Variants in LUC7L observed in about 807,000 individuals in gnomAD.
LUC7L encodes putative RNA-binding protein Luc7-like 1.
In LUC7L, 29 loss-of-function variants were observed where a neutral mutation model predicts 51.1. The ratio of observed to expected loss-of-function variants is 0.57; its 90% CI spans 0.42 to 0.77. The LOEUF (loss-of-function observed/expected upper bound fraction) is 0.77, where lower values mean the gene tolerates loss of function less well. LUC7L is among the 30% of genes least tolerant of loss of function. The probability of loss-of-function intolerance (pLI) is 0.00; values close to 1 mark genes in which losing one functional copy is unlikely to be tolerated. For missense variants in LUC7L, 403 were observed against 511.9 expected, an observed-to-expected ratio of 0.79 and a Z score of 2.05; for synonymous variants, 181 against 180.7, an observed-to-expected ratio of 1.00 and a Z score of -0.01.
chr16:212,642 G>A (rs890138532), intron 3 of LUC7L, among the ~76,000 whole-genome samples: 7 of 152,122 alleles, frequency 4.6e-5, no homozygotes, highest in Admixed American at 4.6e-4. Flanking sequence ...GCTTTGAAAT[G>A]AGCCCATATA....
At chr16:202,589 A>G (rs1163603433) in intron 5 of LUC7L, among the ~76,000 whole-genome samples, 1 of 152,184 alleles carries the variant, frequency 6.6e-6, no homozygotes, top group Non-Finnish European at 1.5e-5. Flanking sequence ...CCTAGGAGCA[A>G]TGGGCTCTAC....
At chr16:228,515 C>T (rs2050182929) in intron 1 of LUC7L, 1 of 1,220,716 alleles carries the variant, frequency 8.2e-7, no homozygotes, top group African/African-American at 1.6e-5. Flanking sequence ...CACTTATTCA[C>T]CTATGAAATA....
intron 6 of LUC7L, among the ~76,000 whole-genome samples, chr16:197,946 C>A (rs1422106156): frequency 6.6e-6 from 1 of 152,120 alleles, no homozygotes; most frequent in South Asian, 2.1e-4. Context: ...ATACGTCCAA[C>A]CTTCCTTCTT....
intron 3 of LUC7L, among the ~76,000 whole-genome samples, chr16:211,261 T>C (rs1055146239): frequency 6.6e-5 from 10 of 152,264 alleles, no homozygotes; most frequent in African/African-American, 2.4e-4. Flanking sequence ...AGACGTCTAA[T>C]TGCTTACTCT....
intron 5 of LUC7L, among the ~76,000 whole-genome samples, chr16:199,784 G>T (rs1329556267): frequency 7.4e-6 from 1 of 135,028 alleles, no homozygotes; most frequent in Non-Finnish European, 1.5e-5. Flanking sequence ...AAAAAAGAGA[G>T]ATCGAGACCA....
rs547084800 is a variant in LUC7L at position 220,754 on chromosome 16, G to T, written c.157-7C>A. 1 of 1,604,082 alleles carries T rather than the reference G, an allele frequency of 6.2e-7. No individual in the cohort carries two copies. On this transcript the variant is annotated splice_polypyrimidine_tract_variant and splice_region_variant and intron_variant, in intron 2 of 9. Coordinates refer to ENST00000293872, the MANE Select transcript of LUC7L (RefSeq NM_201412.3). The stretch of plus-strand genomic sequence containing the variant: ...ATTCTCCTAAATCCATGCGCTGTGG[G>T]AAAGAAACAGAAAATGCAGACCTCA...
At chr16:228,921 C>G (rs1289375748) in intron 1 of LUC7L, 1 of 1,368,074 alleles carries the variant, frequency 7.3e-7, no homozygotes, top group Non-Finnish European at 9.6e-7. Flanking sequence ...TGCCACCCGG[C>G]TGCCAGCGAC....
chr16:228,863 C>G, intron 1 of LUC7L: 3 of 1,303,492 alleles, frequency 2.3e-6, no homozygotes, highest in Non-Finnish European at 3.0e-6. Flanking sequence ...CGAGGCCCAT[C>G]CGGCTCCCTC....
chr16:206,215 T>A, intron 4 of LUC7L, 68 bp from the exon 5 acceptor site: 3 of 1,466,302 alleles, frequency 2.0e-6, no homozygotes, highest in Non-Finnish European at 2.8e-6. Context: ...CAACAAGGGT[T>A]TCTCCTGCTC....
intron 1 of LUC7L, 37 bp downstream of exon 1, chr16:229,242 A>C: frequency 6.6e-7 from 1 of 1,521,344 alleles, no homozygotes; most frequent in Non-Finnish European, 8.8e-7. Context: ...CCTCACTCCC[A>C]CCCCAGACCC....
intron 6 of LUC7L, among the ~76,000 whole-genome samples, chr16:198,020 G>C (rs1209828292): frequency 1.3e-5 from 2 of 152,100 alleles, no homozygotes; most frequent in Non-Finnish European, 2.9e-5. Context: ...TGTGGTCCCA[G>C]CACTTTGGGA....
At chr16:210,827 G>A (rs1278837516) in intron 3 of LUC7L, among the ~76,000 whole-genome samples, 10 of 146,932 alleles carry the variant, frequency 6.8e-5, no homozygotes, top group Non-Finnish European at 1.3e-4. Context: ...TGAGGTGGGC[G>A]GATCACGGGG....
intron 7 of LUC7L, 86 bp downstream of exon 7, chr16:192,841 T>C: frequency 8.4e-7 from 1 of 1,190,720 alleles, no homozygotes; most frequent in Non-Finnish European, 1.2e-6. Flanking sequence ...GGGCAGGCCC[T>C]GCCTATTCCA....
intron 3 of LUC7L, among the ~76,000 whole-genome samples, chr16:215,490 C>T (rs539856980): frequency 7.9e-5 from 12 of 152,028 alleles, no homozygotes; most frequent in Non-Finnish European, 8.8e-5. Flanking sequence ...CATGGTGGCG[C>T]GTGCCTGCAA....
Position 227,263 on chromosome 16 carries a change from G to A in LUC7L, c.135C>T (p.Pro45=). 3.7e-6 allele frequency: 6 copies of A among 1,613,036 alleles called. No individual in the cohort carries two copies. The highest frequency in any genetic ancestry group is 5.1e-6 in the Non-Finnish European group (6 of 1,179,514). The change falls in exon 2 of 10, where the codon CCC becomes CCT. Residue 45 remains proline, a synonymous_variant. Transcript: ENST00000293872. ...VCKSHLLDCC[P]HDILAGTRMD... The stretch of plus-strand genomic sequence containing the variant: ...CTACCGTCCCAGCCAGGATGTCATG[G>A]GGGCAGCAGTCCAGAAGGTGACTCT...
chr16:225,480 C>T (rs2142122478), intron 2 of LUC7L, among the ~76,000 whole-genome samples: 1 of 133,852 alleles, frequency 7.5e-6, no homozygotes, highest in South Asian at 2.4e-4. Context: ...GAGCGAAACT[C>T]CGTCTCTTTT....
rs781565545 is a variant in LUC7L at position 206,026 on chromosome 16, C to G, written c.488G>C (p.Arg163Pro). 6.2e-7 allele frequency: 1 copy of G among 1,611,962 alleles called. No individual in the cohort carries two copies. The highest frequency in any genetic ancestry group is 8.5e-7 in the Non-Finnish European group (1 of 1,179,604). The change falls in exon 5 of 10, where the codon CGT becomes CCT. Residue 163 changes from arginine (R) to proline (P), a missense_variant. By Grantham distance (103) the Arg-to-Pro change is moderately radical. Around this residue, in one of 3 missense-constraint regions of LUC7L, gnomAD observed 182 missense variants for 248.4 expected, o/e 0.73. Coordinates refer to ENST00000293872, the MANE Select transcript of LUC7L (RefSeq NM_201412.3). ...AACCTCAGCTTCTTTTTTCTTCGCA[C>G]GAACTTTTTCCACTTCCATAAGAAT... ...QKILMEVEKVRAKKKEAEEEY... is the reference protein window; with the variant it reads ...QKILMEVEKVPAKKKEAEEEY...
At chr16:223,937 C>T (rs188580257) in intron 2 of LUC7L, among the ~76,000 whole-genome samples, 88 of 152,126 alleles carry the variant, frequency 5.8e-4, no homozygotes, top group African/African-American at 1.7e-3. Flanking sequence ...CTCCTCCTCC[C>T]GAAGTGCTGG....
At chr16:200,161 G>A (rs550720353) in intron 5 of LUC7L, among the ~76,000 whole-genome samples, 2 of 152,060 alleles carry the variant, frequency 1.3e-5, no homozygotes, top group East Asian at 3.9e-4. Flanking sequence ...GGTGGCTCAC[G>A]CCTGTAATCC....
Sources: allele counts gnomAD v4.1 joint callset (sites outside exome capture counted in the v4.1 genomes callset), GRCh38; gene constraint gnomAD v4.1.1; regional missense constraint gnomAD v4.1.1; transcripts MANE v1.5; gene names NCBI Gene and HGNC (gene_info 2026-07-23, HGNC 2026-07-21).